Variants in YAF2 observed in about 807,000 individuals in gnomAD.
YAF2 encodes the protein YY1 associated factor 2.
YAF2 carries 7 observed loss-of-function variants against 20.1 expected under a neutral mutation model. The observed-to-expected ratio is 0.35, with a 90% CI of 0.20 to 0.65. The LOEUF (loss-of-function observed/expected upper bound fraction) is 0.65. YAF2 is among the 30% of genes least tolerant of loss of function. The pLI, the probability that YAF2 is intolerant of heterozygous loss-of-function variation, is 0.69. For synonymous variants in YAF2, 74 were observed against 76.0 expected (o/e 0.97, Z 0.14); for missense variants, 151 against 219.2 (o/e 0.69, Z 1.96).
chr12:42,224,745 A>G lies in YAF2; in HGVS notation c.152+12854T>C, dbSNP rs12300698. ...AGCTGCATAGTATTCCATGGTGTAT[A>G]TGTGCCACATTTTCTTTATCCAGTC... On this transcript the variant is annotated intron_variant, in intron 2 of 3. Coordinates refer to ENST00000534854, the MANE Select transcript of YAF2 (RefSeq NM_005748.6). Among the ~76,000 whole-genome samples, 1,501 of 152,264 alleles carry G rather than the reference A, an allele frequency of 9.9e-3. 28 individuals carry two copies. The highest frequency in any genetic ancestry group is 0.035 in the African/African-American group (1,435 of 41,554).
At chr12:42,237,561 C>T in intron 2 of YAF2, 38 bp downstream of exon 2, 1 of 1,486,328 alleles carries the variant, frequency 6.7e-7, no homozygotes, top group Non-Finnish European at 9.0e-7. Flanking sequence ...GTCGCCACCC[C>T]GCCGGCCGGC....
chr12:42,199,379 C>A, intron 2 of YAF2: 1 of 302,344 alleles, frequency 3.3e-6, no homozygotes, highest in Non-Finnish European at 6.0e-6. Context: ...TAAAAAGTGA[C>A]ATAAACATTG....
intron 2 of YAF2, among the ~76,000 whole-genome samples, chr12:42,226,936 GC>G (rs1202667326): frequency 1.3e-5 from 2 of 149,958 alleles, no homozygotes; most frequent in African/African-American, 4.9e-5. Context: ...CATGGTGGCC[GC>G]GGGTGGTGGT....
chr12:42,237,742 G>A lies in YAF2; in HGVS notation c.27-18C>T. 6.6e-7 allele frequency: 1 copy of A among 1,515,190 alleles called. No individual in the cohort carries two copies. The highest frequency in any genetic ancestry group is 8.8e-7 in the Non-Finnish European group (1 of 1,131,970). 93.9% of individuals were successfully genotyped at this position (1,515,190 alleles called of 1,614,324 possible). On this transcript the variant is annotated intron_variant, in intron 1 of 3. Transcript: ENST00000534854. Reference sequence around the variant, plus strand: ...GCTTCGGCCTGCAGGACACAACCCGGACACGACGCGGCGCGGGGTCACCAG... The same window carrying A: ...GCTTCGGCCTGCAGGACACAACCCGAACACGACGCGGCGCGGGGTCACCAG...
intron 2 of YAF2, among the ~76,000 whole-genome samples, chr12:42,195,998 G>A (rs1167720049): frequency 6.6e-6 from 1 of 151,912 alleles, no homozygotes; most frequent in African/African-American, 2.4e-5. Flanking sequence ...GAGGTGGGTG[G>A]ATCACCTGAG....
At chr12:42,176,623 G>A (rs2066201288) in intron 2 of YAF2, among the ~76,000 whole-genome samples, 1 of 151,972 alleles carries the variant, frequency 6.6e-6, no homozygotes, top group African/African-American at 2.4e-5. Flanking sequence ...GTCTAAAATT[G>A]AATGCTTTCT....
intron 2 of YAF2, among the ~76,000 whole-genome samples, chr12:42,168,354 G>C (rs966698487): frequency 2.0e-5 from 3 of 151,558 alleles, no homozygotes; most frequent in Non-Finnish European, 4.4e-5. Context: ...AATTTTTTTT[G>C]TATTTTTAGT....
At chr12:42,202,577 T>G (rs2066928704) in intron 2 of YAF2, among the ~76,000 whole-genome samples, 1 of 152,240 alleles carries the variant, frequency 6.6e-6, no homozygotes, top group Admixed American at 6.5e-5. Flanking sequence ...AGTCATCCCA[T>G]GTTATGCATA....
At chr12:42,174,254 T>G (rs758784899) in intron 2 of YAF2, among the ~76,000 whole-genome samples, 1 of 152,166 alleles carries the variant, frequency 6.6e-6, no homozygotes, top group Non-Finnish European at 1.5e-5. Flanking sequence ...GCTCTTGTCC[T>G]TCCACTCCAG....
chr12:42,179,199 T>C (rs1482423723), intron 2 of YAF2, among the ~76,000 whole-genome samples: 1 of 152,162 alleles, frequency 6.6e-6, no homozygotes, highest in Non-Finnish European at 1.5e-5. Flanking sequence ...GCTGGGTGCA[T>C]TGGCTCACAC....
At chr12:42,162,546 A>G (rs1282914464) in intron 2 of YAF2, among the ~76,000 whole-genome samples, 1 of 152,204 alleles carries the variant, frequency 6.6e-6, no homozygotes, top group African/African-American at 2.4e-5. Context: ...AGGATATAGC[A>G]AGGAAAGAGG....
At chr12:42,230,924 G>C (rs2067967603) in intron 2 of YAF2, among the ~76,000 whole-genome samples, 1 of 152,206 alleles carries the variant, frequency 6.6e-6, no homozygotes, top group Non-Finnish European at 1.5e-5. Context: ...AGATGAGTGA[G>C]ATTGGGCCAC....
chr12:42,219,634 G>A (rs973119059), intron 2 of YAF2, among the ~76,000 whole-genome samples: 2 of 152,090 alleles, frequency 1.3e-5, no homozygotes, highest in African/African-American at 4.8e-5. Context: ...ACACACACAT[G>A]CACACACAAA....
rs150009186 is a variant in YAF2, at chr12:42,209,816, G to A, written c.152+27783C>T. On this transcript the variant is annotated intron_variant, in intron 2 of 3. Transcript: ENST00000534854. ...GTAAATGCATAATTTTTTGTTTTTT[G>A]AGACAGAGTTTCGCTCTTGTTGCCC... 5.4e-3 allele frequency among the ~76,000 whole-genome samples: 814 copies of A among 151,888 alleles called. 5 individuals carry two copies. Among genetic ancestry groups the A allele is most frequent in the Middle Eastern group, 0.034 (10 of 294 alleles).
intron 2 of YAF2, 64 bp downstream of exon 2, chr12:42,237,535 G>A: frequency 1.4e-6 from 2 of 1,432,944 alleles, no homozygotes; most frequent in Non-Finnish European, 1.8e-6. Context: ...GGCGGCAGCC[G>A]CAAGGGCGTC....
At chr12:42,187,372 C>G (rs2066500808) in intron 2 of YAF2, among the ~76,000 whole-genome samples, 1 of 152,070 alleles carries the variant, frequency 6.6e-6, no homozygotes, top group African/African-American at 2.4e-5. Flanking sequence ...GTTGCCCAGG[C>G]TGGTTTCAAA....
chr12:42,208,868 G>C (rs2067125962), intron 2 of YAF2, among the ~76,000 whole-genome samples: 1 of 152,208 alleles, frequency 6.6e-6, no homozygotes, highest in Non-Finnish European at 1.5e-5. Context: ...TAGATAAACA[G>C]AATGGAATTG....
At chr12:42,199,606 T>C (rs1044233307) in intron 2 of YAF2, 1 of 158,012 alleles carries the variant, frequency 6.3e-6, no homozygotes. Context: ...TAAACACTAA[T>C]ACCATCCAGA....
In YAF2 at chr12:42,157,600, C is replaced by CT. The variant is rs1565589151; in HGVS notation, c.*2988dup. The CT allele has an allele frequency of 2.0e-5, 3 of 152,196 alleles. No homozygotes were observed. The allele number at this position is 152,196 out of a possible 1,614,324, so 9.4% of individuals were successfully genotyped here. ...CTTTATCTAAAAGTTAATAAACATG[C>CT]TATCAACTTAGAAAGGCTGAAGTTT... On this transcript the variant is annotated 3_prime_UTR_variant, in exon 4 of 4. Coordinates refer to ENST00000534854, the MANE Select transcript of YAF2 (RefSeq NM_005748.6).
Sources: gnomAD v4.1 joint callset for allele counts (sites outside exome capture counted in the v4.1 genomes callset) on GRCh38, gnomAD v4.1.1 for gene constraint, MANE v1.5 for transcripts, NCBI Gene and HGNC (gene_info 2026-07-23, HGNC 2026-07-21) for gene names.